The following CATSPERE variants were observed in gnomAD, a reference collection of about 807,000 sequenced individuals.
CATSPERE encodes the protein cation channel sperm-associated auxiliary subunit epsilon.
In CATSPERE, 93 loss-of-function variants were observed where a neutral mutation model predicts 114.1. The observed-to-expected ratio is 0.81, with a 90% CI of 0.69 to 0.97. The LOEUF is 0.97. CATSPERE is among the 50% of genes least tolerant of loss of function. CATSPERE has a pLI of 0.00. For synonymous variants in CATSPERE, 341 were observed against 384.1 expected, an observed-to-expected ratio of 0.89 and a Z score of 1.31; for missense variants, 1,058 against 1,131.6, an observed-to-expected ratio of 0.93 and a Z score of 0.93.
intron 20 of CATSPERE, among the ~76,000 whole-genome samples, chr1:244,623,505 C>G (rs542854743): frequency 3.9e-5 from 6 of 152,270 alleles, no homozygotes; most frequent in African/African-American, 1.4e-4. Flanking sequence ...AAGGCAAATT[C>G]AAATCCCAAA....
At chr1:244,518,881 A>C (rs1677065040) in intron 8 of CATSPERE, among the ~76,000 whole-genome samples, 183 bp downstream of exon 8, 1 of 152,184 alleles carries the variant, frequency 6.6e-6, no homozygotes, top group Non-Finnish European at 1.5e-5. Context: ...CTCTTGGATT[A>C]GAGTTTTACA....
chr1:244,513,386 G>A (rs1676073770), intron 7 of CATSPERE, among the ~76,000 whole-genome samples: 1 of 152,204 alleles, frequency 6.6e-6, no homozygotes. Flanking sequence ...GCATACATAA[G>A]TGCCAGTGGT....
rs576954516 is a variant in CATSPERE at position 244,547,579 on chromosome 1, A to C, written c.537-4743A>C. Among the ~76,000 whole-genome samples, 3 of 147,782 alleles carry C rather than the reference A, an allele frequency of 2.0e-5. No homozygotes were observed. In the South Asian group the frequency reaches 6.3e-4, roughly 31 times the overall value. Reference sequence around the variant, plus strand: ...GGAAGAGTAGAGTAAAATATAGAAAAATTTCAATCTAAGTTAAGTTGTTAT... The same window carrying C: ...GGAAGAGTAGAGTAAAATATAGAAACATTTCAATCTAAGTTAAGTTGTTAT... On this transcript the variant is annotated intron_variant, in intron 8 of 21. Coordinates refer to ENST00000366534, the MANE Select transcript of CATSPERE (RefSeq NM_001130957.2).
In CATSPERE at chr1:244,535,228, C is replaced by G. The variant is rs549517943; in HGVS notation, c.536+16530C>G. The stretch of plus-strand genomic sequence containing the variant: ...GGTCAGACCTGAATCTTGCATAGCA[C>G]TGGATCTCACCCAAGGCCCGCTGTA... On this transcript the variant is annotated intron_variant, in intron 8 of 21. Transcript: ENST00000366534. Among the ~76,000 whole-genome samples the G allele has an allele frequency of 2.0e-5, 3 of 152,294 alleles. No homozygotes were observed. In the South Asian group the frequency reaches 6.2e-4, roughly 32 times the overall value.
chr1:244,485,546 G>A (rs891851468), intron 5 of CATSPERE, among the ~76,000 whole-genome samples: 1 of 151,834 alleles, frequency 6.6e-6, no homozygotes, highest in Admixed American at 6.6e-5. Context: ...TAAGAGAAAT[G>A]TATATCACCT....
intron 2 of CATSPERE, among the ~76,000 whole-genome samples, chr1:244,471,638 T>C (rs1317908663): frequency 6.6e-6 from 1 of 152,180 alleles, no homozygotes; most frequent in South Asian, 2.1e-4. Context: ...CCATACTATA[T>C]ATAGTCTTTT....
upstream of CATSPERE, chr1:244,451,874 A>G: frequency 1.4e-6 from 2 of 1,467,378 alleles, no homozygotes; most frequent in Non-Finnish European, 1.8e-6. The surrounding 1 kb of genome is among the most constrained non-coding windows in gnomAD (Gnocchi z 6.6). Context: ...GAGTGAGCGA[A>G]CTGAACTGCT....
intron 20 of CATSPERE, 83 bp downstream of exon 20, chr1:244,617,769 C>A (rs1671583447): frequency 2.6e-6 from 3 of 1,141,406 alleles, no homozygotes; most frequent in Non-Finnish European, 3.6e-6. Context: ...CCTATACATT[C>A]AATCATTGTT....
At chr1:244,594,507 G>C (rs1208366211) in intron 17 of CATSPERE, among the ~76,000 whole-genome samples, 1 of 152,052 alleles carries the variant, frequency 6.6e-6, no homozygotes, top group Admixed American at 6.6e-5. Flanking sequence ...CGAGGTAAAC[G>C]ACTCACATTT....
At chr1:244,519,848 T>C (rs1677231810) in intron 8 of CATSPERE, among the ~76,000 whole-genome samples, 1 of 152,196 alleles carries the variant, frequency 6.6e-6, no homozygotes, top group Admixed American at 6.5e-5. Context: ...ATATTTGTGA[T>C]TGTTGAGTTT....
At chr1:244,523,323 G>A (rs569959460) in intron 8 of CATSPERE, among the ~76,000 whole-genome samples, 1 of 145,328 alleles carries the variant, frequency 6.9e-6, no homozygotes, top group African/African-American at 2.8e-5. Context: ...ATTAGGTATT[G>A]ATGGGACGTA....
chr1:244,506,283 T>C (rs567618531), intron 7 of CATSPERE, among the ~76,000 whole-genome samples: 1 of 152,352 alleles, frequency 6.6e-6, no homozygotes, highest in South Asian at 2.1e-4. Flanking sequence ...ATTCTGTGTG[T>C]CCATTCATCC....
At chr1:244,522,940 A>G (rs1024025199) in intron 8 of CATSPERE, among the ~76,000 whole-genome samples, 1 of 152,168 alleles carries the variant, frequency 6.6e-6, no homozygotes, top group African/African-American at 2.4e-5. Context: ...TTCTGAAACT[A>G]TTCCAATCAG....
At position 244,477,948 on chromosome 1, in the gene CATSPERE, C is replaced by T. The variant is rs745658494; in HGVS notation, c.231C>T (p.His77=). Residue 77 remains histidine, a synonymous_variant, in exon 4 of 22, where the codon CAC becomes CAT. Transcript: ENST00000366534. ...TGCGTTGTTCCTCACCTGGTGTTCACGCTATAAAACCAATTGTTACTGGCC... is the reference window on the plus strand; with the variant it reads ...TGCGTTGTTCCTCACCTGGTGTTCATGCTATAAAACCAATTGTTACTGGCC... The part of the protein sequence containing the change: ...TELRCSSPGV[H]AIKPIVTGPD... The T allele has an allele frequency of 4.7e-5, 76 of 1,607,644 alleles. No homozygotes were observed. Among genetic ancestry groups the T allele is most frequent in the African/African-American group, 1.7e-4 (13 of 74,732 alleles).
intron 8 of CATSPERE, among the ~76,000 whole-genome samples, chr1:244,521,478 A>G (rs1322597550): frequency 1.3e-5 from 2 of 152,224 alleles, no homozygotes; most frequent in African/African-American, 4.8e-5. Context: ...AATTTATTAC[A>G]TTAATAGCTT....
intron 7 of CATSPERE, among the ~76,000 whole-genome samples, chr1:244,515,039 T>C (rs1164985056): frequency 5.9e-5 from 9 of 152,274 alleles, no homozygotes; most frequent in Non-Finnish European, 1.0e-4. Context: ...TAATTTAAAA[T>C]CCTATTTTAA....
chr1:244,521,377 A>G (rs1677524814), intron 8 of CATSPERE, among the ~76,000 whole-genome samples: 2 of 152,144 alleles, frequency 1.3e-5, no homozygotes, highest in Admixed American at 1.3e-4. Context: ...AAATAAATCC[A>G]GTAATATATA....
At chr1:244,503,606 C>G (rs1271602611) in intron 7 of CATSPERE, among the ~76,000 whole-genome samples, 2 of 152,070 alleles carry the variant, frequency 1.3e-5, no homozygotes, top group Admixed American at 6.6e-5. Context: ...ATTTTTGTTT[C>G]TTTTGAGACG....
chr1:244,473,969 C>G (rs986188462), intron 2 of CATSPERE, among the ~76,000 whole-genome samples: 1 of 151,730 alleles, frequency 6.6e-6, no homozygotes, highest in Non-Finnish European at 1.5e-5. Flanking sequence ...TTATACCTTT[C>G]GAACATCTTT....
Sources: allele counts gnomAD v4.1 joint callset (sites outside exome capture counted in the v4.1 genomes callset), GRCh38; gene constraint gnomAD v4.1.1; non-coding constraint Gnocchi (gnomAD v3.1); transcripts MANE v1.5; gene names NCBI Gene and HGNC (gene_info 2026-07-23, HGNC 2026-07-21).